GABRA5: variants seen among roughly 807,000 people sequenced by gnomAD.
The protein encoded by GABRA5 is gamma-aminobutyric acid type A receptor subunit alpha5, also known as gamma-aminobutyric acid receptor subunit alpha-5.
In GABRA5, 18 loss-of-function variants were observed where a neutral mutation model predicts 47.3. The observed-to-expected ratio is 0.38, with a 90% CI of 0.26 to 0.56. The LOEUF is 0.56. Among genes scored for constraint, GABRA5 ranks in the 20% least tolerant of loss-of-function variants. The pLI, the probability that GABRA5 is intolerant of heterozygous loss-of-function variation, is 0.71. For missense variants in GABRA5, 365 were observed against 599.3 expected, an observed-to-expected ratio of 0.61 and a Z score of 4.08; for synonymous variants, 237 against 229.3, an observed-to-expected ratio of 1.03 and a Z score of -0.30.
chr15:26,948,091 A>G lies in GABRA5; in HGVS notation c.1247A>G (p.Lys416Arg). 6.2e-7 allele frequency: 1 copy of G among 1,612,504 alleles called. No homozygotes were observed. The highest frequency in any genetic ancestry group is 1.3e-5 in the African/African-American group (1 of 75,054). Reference protein sequence around the residue: ...KPSEEKTSESKKTYNSISKID... With the variant: ...KPSEEKTSESRKTYNSISKID... ...TCTGAAGAGAAGACTTCTGAAAGCAAAAAGACTTACAACAGTATCAGCAAA... is the reference window on the plus strand; with the variant it reads ...TCTGAAGAGAAGACTTCTGAAAGCAGAAAGACTTACAACAGTATCAGCAAA... The change falls in exon 11 of 11, where the codon AAA becomes AGA. Residue 416 changes from lysine to arginine, a missense_variant. By Grantham distance (26) the Lys-to-Arg change is conservative. Transcript: ENST00000335625.
intron 6 of GABRA5, among the ~76,000 whole-genome samples, chr15:26,903,618 T>C (rs541752104): frequency 1.2e-3 from 181 of 152,280 alleles, no homozygotes; most frequent in Middle Eastern, 0.01. Context: ...CCAGCATCTG[T>C]TATTTTTTGA....
In GABRA5 at chr15:26,943,430, C is replaced by T; in HGVS notation, c.1089+4C>T. ...CTTGGAAGCAGCCAAGATCAAGGTACTGACTATTTCTCCTCCTTTCTTCCA... is the reference window on the plus strand; with the variant it reads ...CTTGGAAGCAGCCAAGATCAAGGTATTGACTATTTCTCCTCCTTTCTTCCA... On this transcript the variant is annotated splice_donor_region_variant and intron_variant, in intron 10 of 10. Transcript: ENST00000335625. The T allele has an allele frequency of 1.9e-6, 3 of 1,576,002 alleles. No individual in the cohort carries two copies. Among genetic ancestry groups the T allele is most frequent in the African/African-American group, 1.3e-5 (1 of 74,114 alleles).
chr15:26,877,900 T>A (rs1374594780), intron 3 of GABRA5, among the ~76,000 whole-genome samples: 1 of 152,220 alleles, frequency 6.6e-6, no homozygotes, highest in East Asian at 1.9e-4. Context: ...AGGGATATAA[T>A]CTCAGCTCAC....
rs966654465 is a variant in GABRA5 at position 26,948,299 on chromosome 15, G to A, written c.*66G>A. The A allele has an allele frequency of 1.1e-5, 17 of 1,488,724 alleles. 1 individual carries two copies. In the Admixed American group the frequency reaches 3.0e-4, roughly 26 times the overall value. 92.2% of individuals were successfully genotyped at this position (1,488,724 alleles called of 1,614,324 possible). ...CGAAATGGTACCAAGGAGAGGTCTT[G>A]CTCACAGGGACTCTCCATATGTGAG... On this transcript the variant is annotated 3_prime_UTR_variant, in exon 11 of 11. Transcript: ENST00000335625.
intron 6 of GABRA5, among the ~76,000 whole-genome samples, chr15:26,890,950 C>CTG (rs1415174062): frequency 6.6e-6 from 1 of 152,166 alleles, no homozygotes; most frequent in African/African-American, 2.4e-5. Context: ...CAGACATGTT[C>CTG]TGTGCTTAGG....
chr15:26,922,638 G>C (rs1018968030), intron 7 of GABRA5, among the ~76,000 whole-genome samples: 2 of 151,772 alleles, frequency 1.3e-5, no homozygotes, highest in South Asian at 4.2e-4. Flanking sequence ...TTATTTCTTT[G>C]TTTTCTTTTG....
At chr15:26,930,535 C>G (rs1894076119) in intron 7 of GABRA5, among the ~76,000 whole-genome samples, 1 of 152,192 alleles carries the variant, frequency 6.6e-6, no homozygotes, top group Non-Finnish European at 1.5e-5. Flanking sequence ...CACCTGTCTT[C>G]CAGTTTCCAA....
At chr15:26,930,411 A>T (rs1427639783) in intron 7 of GABRA5, among the ~76,000 whole-genome samples, 1 of 152,220 alleles carries the variant, frequency 6.6e-6, no homozygotes, top group African/African-American at 2.4e-5. Context: ...TTTGTTTAGC[A>T]TATTTCCTTA....
At chr15:26,872,503 A>G (rs1892498082) in intron 3 of GABRA5, among the ~76,000 whole-genome samples, 1 of 152,230 alleles carries the variant, frequency 6.6e-6, no homozygotes, top group Non-Finnish European at 1.5e-5. Context: ...TAATTCTAAA[A>G]GGTAGTACCT....
chr15:26,924,982 C>A (rs2140303257), intron 7 of GABRA5, among the ~76,000 whole-genome samples: 1 of 152,170 alleles, frequency 6.6e-6, no homozygotes, highest in African/African-American at 2.4e-5. Flanking sequence ...ATTTTTCCTA[C>A]ATTTATTTTA....
intron 6 of GABRA5, among the ~76,000 whole-genome samples, chr15:26,899,257 T>G (rs373535296): frequency 1.4e-4 from 21 of 152,348 alleles, no homozygotes; most frequent in Admixed American, 8.5e-4. Flanking sequence ...AAGTTTCAAT[T>G]TTCCTTCTGT....
At chr15:26,930,016 T>TTTTTTTTTTG (rs566636317) in intron 7 of GABRA5, among the ~76,000 whole-genome samples, 1,622 of 127,940 alleles carry the variant, frequency 0.013, 6 homozygotes, top group African/African-American at 0.045. Context: ...CTTTTTTTTT[T>TTTTTTTTTTG]TTTTTTGTTT....
chr15:26,941,935 T>C (rs1450649598), intron 9 of GABRA5, among the ~76,000 whole-genome samples: 2 of 152,248 alleles, frequency 1.3e-5, no homozygotes, highest in Non-Finnish European at 2.9e-5. Context: ...AATAAGGCTG[T>C]AATCTAGAGT....
At chr15:26,941,172 T>C (rs927922711) in intron 9 of GABRA5, among the ~76,000 whole-genome samples, 3 of 152,134 alleles carry the variant, frequency 2.0e-5, no homozygotes, top group Non-Finnish European at 4.4e-5. Context: ...ATCAGGATTG[T>C]TTCAGGAAGG....
intron 6 of GABRA5, among the ~76,000 whole-genome samples, chr15:26,912,034 G>A (rs1893607622): frequency 6.6e-6 from 1 of 152,160 alleles, no homozygotes; most frequent in African/African-American, 2.4e-5. Context: ...AAGACAGTCA[G>A]GTCACTTGAA....
chr15:26,927,728 T>A (rs918397671), intron 7 of GABRA5, among the ~76,000 whole-genome samples: 4 of 152,248 alleles, frequency 2.6e-5, no homozygotes, highest in Non-Finnish European at 5.9e-5. Flanking sequence ...ACCATTGGCA[T>A]CTGAGCATGC....
intron 7 of GABRA5, among the ~76,000 whole-genome samples, chr15:26,931,465 C>T (rs553800914): frequency 3.4e-4 from 52 of 152,202 alleles, no homozygotes; most frequent in African/African-American, 1.1e-3. Context: ...AATCACCTCC[C>T]GAAGGCTCTT....
chr15:26,891,917 TG>T (rs562934803), intron 6 of GABRA5, among the ~76,000 whole-genome samples: 11 of 152,322 alleles, frequency 7.2e-5, no homozygotes, highest in South Asian at 2.1e-4. Flanking sequence ...CCGAAACTGA[TG>T]GTCTCATCTC....
intron 6 of GABRA5, among the ~76,000 whole-genome samples, chr15:26,892,149 A>C (rs1020012710): frequency 2.0e-5 from 3 of 152,252 alleles, no homozygotes; most frequent in Admixed American, 2.0e-4. Context: ...GTTGGCCCGG[A>C]ATCCGGAGTT....
Sources: gnomAD v4.1 joint callset for allele counts (sites outside exome capture counted in the v4.1 genomes callset) on GRCh38, gnomAD v4.1.1 for gene constraint, MANE v1.5 for transcripts, NCBI Gene and HGNC (gene_info 2026-07-23, HGNC 2026-07-21) for gene names.